Variants in AMMECR1 observed in about 807,000 individuals in gnomAD.
AMMECR1 encodes the protein nuclear protein AMMECR1.
A neutral mutation model predicts 22.5 loss-of-function variants in AMMECR1; 3 were observed. The ratio of observed to expected loss-of-function variants is 0.13; its 90% CI spans 0.06 to 0.35. The LOEUF (loss-of-function observed/expected upper bound fraction) is 0.35. Among genes scored for constraint, AMMECR1 ranks in the 10% least tolerant of loss-of-function variants. The probability of loss-of-function intolerance (pLI) is 1.00; values close to 1 mark genes in which losing one functional copy is unlikely to be tolerated. For synonymous variants in AMMECR1, 130 were observed against 116.7 expected, an observed-to-expected ratio of 1.11 and a Z score of -0.74; for missense variants, 235 against 278.7, an observed-to-expected ratio of 0.84 and a Z score of 1.12.
chrX:110,366,780 G>A (rs1003277843), intron 2 of AMMECR1, among the ~76,000 whole-genome samples: 2 of 111,798 alleles, frequency 1.8e-5, no homozygotes, highest in African/African-American at 3.3e-5. Context: ...GCTTATAACC[G>A]TGCTAACCAG....
chrX:110,284,412 T>C (rs2067868847), intron 1 of AMMECR1, among the ~76,000 whole-genome samples: 1 of 112,135 alleles, frequency 8.9e-6, no homozygotes, highest in Admixed American at 9.4e-5. Context: ...CTTCTTAGAC[T>C]GCATGAATCT....
chrX:110,194,452 C>T lies in AMMECR1; in HGVS notation c.*4068G>A, dbSNP rs1439697366. 9.0e-6 allele frequency: 1 copy of T among 111,552 alleles called. No individual in the cohort carries two copies. The highest frequency in any genetic ancestry group is 1.9e-5 in the Non-Finnish European group (1 of 53,070). The allele number at this position is 111,552 out of a possible 1,213,427, so 9.2% of individuals were successfully genotyped here. On this transcript the variant is annotated 3_prime_UTR_variant, in exon 6 of 6. Transcript: ENST00000262844. ...AGGGGTTTCAGGTAATCTGTGATGT[C>T]TTACGGTAATCAAAAAACAGGTTAC... is the stretch of plus-strand genomic sequence containing the variant.
intron 2 of AMMECR1, among the ~76,000 whole-genome samples, chrX:110,235,032 C>T (rs995813377): frequency 1.4e-4 from 16 of 111,975 alleles, no homozygotes; most frequent in Admixed American, 3.8e-4. Context: ...CTGGCATCAG[C>T]GTGAACAGGC....
At chrX:110,264,392 G>A (rs1028545846) in intron 2 of AMMECR1, 97 bp downstream of exon 2, 2 of 486,820 alleles carry the variant, frequency 4.1e-6, no homozygotes, top group Non-Finnish European at 7.1e-6. Context: ...AGACAAGAAC[G>A]TTGACAATTC....
intron 2 of AMMECR1, among the ~76,000 whole-genome samples, chrX:110,414,635 C>T (rs754539941): frequency 2.7e-5 from 3 of 112,929 alleles, no homozygotes; most frequent in South Asian, 3.7e-4. Context: ...CCATCTCATT[C>T]GTTTAGACCT....
intron 1 of AMMECR1, among the ~76,000 whole-genome samples, chrX:110,295,420 G>C (rs1376905178): frequency 9.0e-6 from 1 of 110,816 alleles, no homozygotes; most frequent in Admixed American, 9.6e-5. Context: ...AATTCTCTTT[G>C]GTATAGTTTT....
chrX:110,202,183 T>G (rs1343157765), intron 4 of AMMECR1, among the ~76,000 whole-genome samples: 1 of 112,148 alleles, frequency 8.9e-6, no homozygotes, highest in Non-Finnish European at 1.9e-5. Flanking sequence ...TTGCCTAAAA[T>G]GAAAACCAAC....
intron 2 of AMMECR1, among the ~76,000 whole-genome samples, chrX:110,400,502 T>A (rs1472475834): frequency 9.0e-6 from 1 of 110,650 alleles, no homozygotes; most frequent in Non-Finnish European, 1.9e-5. Flanking sequence ...CTACCTCTTC[T>A]GACTCCTCCT....
chrX:110,299,322 C>A (rs1052349992), intron 1 of AMMECR1, among the ~76,000 whole-genome samples: 2 of 111,694 alleles, frequency 1.8e-5, no homozygotes, highest in African/African-American at 6.5e-5. Flanking sequence ...TGACTCAGAT[C>A]TATGAGATAA....
At chrX:110,383,640 C>T (rs757490249) in intron 2 of AMMECR1, among the ~76,000 whole-genome samples, 7 of 111,852 alleles carry the variant, frequency 6.3e-5, no homozygotes, top group African/African-American at 1.9e-4. Context: ...ACAAGCTGTT[C>T]CTTCTGCTTA....
At chrX:110,241,955 A>T (rs1413140506) in intron 2 of AMMECR1, among the ~76,000 whole-genome samples, 1 of 111,754 alleles carries the variant, frequency 8.9e-6, no homozygotes, top group African/African-American at 3.3e-5. Flanking sequence ...GTTACTCCTC[A>T]CACATCTATA....
At chrX:110,211,616 A>G (rs986247433) in intron 3 of AMMECR1, among the ~76,000 whole-genome samples, 3 of 112,592 alleles carry the variant, frequency 2.7e-5, no homozygotes, top group Non-Finnish European at 5.6e-5. Flanking sequence ...AACAATGGTG[A>G]TGAGTTTCCG....
At position 110,318,056 on chromosome X, in the gene AMMECR1, A is replaced by C. The variant is rs1404808034; in HGVS notation, c.16T>G (p.Cys6Gly). The change falls in exon 1 of 6, where the codon TGC (cysteine) becomes GGC (glycine). Residue 6 changes from cysteine (C) to glycine (G), a missense_variant. Cys to Gly is a radical substitution (Grantham distance 159). Around this residue, in one of 2 missense-constraint regions of AMMECR1, gnomAD observed 124 missense variants for 97.0 expected, o/e 1.28. Coordinates refer to ENST00000262844, the MANE Select transcript of AMMECR1 (RefSeq NM_015365.3). ...GACAGTTTCTGCTTCTTCACCCCGC[A>C]GCAACCCGCCGCCATCTTGGAACAG... MAAGCCGVKKQKLSSS... is the reference protein window; with the variant it reads MAAGCGGVKKQKLSSS... 8.3e-7 allele frequency: 1 copy of C among 1,201,738 alleles called. No homozygotes were observed. Among genetic ancestry groups the C allele is most frequent in the Admixed American group, 2.2e-5 (1 of 45,492 alleles).
intron 2 of AMMECR1, among the ~76,000 whole-genome samples, chrX:110,254,718 C>T (rs2067702145): frequency 8.9e-6 from 1 of 112,131 alleles, no homozygotes; most frequent in African/African-American, 3.2e-5. Context: ...ACTTACAACA[C>T]TGAAGCATCA....
At chrX:110,329,038 G>A (rs1191593173) in intron 2 of AMMECR1, among the ~76,000 whole-genome samples, 16 of 112,326 alleles carry the variant, frequency 1.4e-4, no homozygotes, top group African/African-American at 4.5e-4. Flanking sequence ...TTGAGGAATC[G>A]CCACACTGTC....
intron 2 of AMMECR1, among the ~76,000 whole-genome samples, chrX:110,246,064 C>A (rs1020492059): frequency 2.7e-5 from 3 of 112,185 alleles, no homozygotes; most frequent in Non-Finnish European, 5.6e-5. Context: ...TAAATAGCAT[C>A]CCCATTTCTT....
At position 110,196,151 on chromosome X, in the gene AMMECR1, T is replaced by C. The variant is rs1469125901; in HGVS notation, c.*2369A>G. The C allele has an allele frequency of 9.0e-6, 1 of 111,146 alleles. No individual in the cohort carries two copies. Among genetic ancestry groups the C allele is most frequent in the Non-Finnish European group, 1.9e-5 (1 of 53,066 alleles). The allele number at this position is 111,146 out of a possible 1,213,427, so 9.2% of individuals were successfully genotyped here. A position where few individuals can be genotyped will look rare whatever the true frequency, so the allele number is the denominator to read the frequency against. ...GTCACGTGACCTGCTCAAGATTGAT[T>C]AGCACCGTTAAATAAACACACATAT... On this transcript the variant is annotated 3_prime_UTR_variant, in exon 6 of 6. Transcript: ENST00000262844.
At chrX:110,291,932 A>C (rs748786689) in intron 1 of AMMECR1, among the ~76,000 whole-genome samples, 1 of 111,980 alleles carries the variant, frequency 8.9e-6, no homozygotes, top group East Asian at 2.8e-4. Flanking sequence ...TTTAATGCCC[A>C]GCAATAAAGG....
intron 1 of AMMECR1, among the ~76,000 whole-genome samples, chrX:110,292,265 G>A (rs1380015248): frequency 8.9e-6 from 1 of 112,163 alleles, no homozygotes; most frequent in Admixed American, 9.4e-5. Context: ...TGGTGGGAAT[G>A]CAAAATGGTA....
Sources: allele counts gnomAD v4.1 joint callset (sites outside exome capture counted in the v4.1 genomes callset), GRCh38; gene constraint gnomAD v4.1.1; regional missense constraint gnomAD v4.1.1; transcripts MANE v1.5; gene names NCBI Gene and HGNC (gene_info 2026-07-23, HGNC 2026-07-21).